Variants in MAPRE1 observed in about 807,000 individuals in gnomAD.
MAPRE1 encodes microtubule associated protein RP/EB family member 1, also known as microtubule-associated protein RP/EB family member 1.
MAPRE1 carries 5 observed loss-of-function variants against 32.1 expected under a neutral mutation model. The ratio of observed to expected loss-of-function variants is 0.16; its 90% CI spans 0.08 to 0.33. The LOEUF is 0.33. Ranked by LOEUF, MAPRE1 falls within the 10% of genes least tolerant of loss-of-function variation. The probability of loss-of-function intolerance (pLI) is 1.00; values close to 1 mark genes in which losing one functional copy is unlikely to be tolerated. For missense variants in MAPRE1, 209 were observed against 327.2 expected (o/e 0.64, Z 2.79); for synonymous variants, 122 against 118.9 (o/e 1.03, Z -0.17).
intron 1 of MAPRE1, among the ~76,000 whole-genome samples, chr20:32,825,244 G>A (rs1036365276): frequency 1.3e-5 from 2 of 151,956 alleles, no homozygotes; most frequent in Non-Finnish European, 2.9e-5. Context: ...ACTTTGGGCT[G>A]ATGTTTTCTA....
intron 1 of MAPRE1, among the ~76,000 whole-genome samples, chr20:32,822,257 C>T (rs1019380875): frequency 3.3e-5 from 5 of 152,102 alleles, no homozygotes; most frequent in African/African-American, 1.2e-4. Context: ...ATAGGAATGT[C>T]GCCATAATAG....
At chr20:32,834,656 A>G (rs1249711831) in intron 3 of MAPRE1, among the ~76,000 whole-genome samples, 1 of 152,050 alleles carries the variant, frequency 6.6e-6, no homozygotes, top group Non-Finnish European at 1.5e-5. Context: ...TTGTCTCTAC[A>G]ATATATAAAA....
chr20:32,829,506 A>G (rs1194320359), intron 2 of MAPRE1, among the ~76,000 whole-genome samples: 1 of 152,186 alleles, frequency 6.6e-6, no homozygotes, highest in East Asian at 1.9e-4. Context: ...AGTCAGAGAA[A>G]GTGAGGCTCC....
Position 32,844,439 on chromosome 20 carries a change from C to CTTTTTTTT in MAPRE1, c.598-2155_598-2148dup, listed in dbSNP as rs71190880. 9.8e-3 allele frequency among the ~76,000 whole-genome samples: 512 copies of CTTTTTTTT among 52,062 alleles called. 110 individuals are homozygous for CTTTTTTTT. The highest frequency in any genetic ancestry group is 0.04 in the East Asian group (60 of 1,490). The allele number at this position is 52,062 out of a possible 152,430, so 34.2% of individuals were successfully genotyped here. On this transcript the variant is annotated intron_variant, in intron 5 of 6. Transcript: ENST00000375571. ...CTAGGTGGATACCAAGCTAGCATTC[C>CTTTTTTTT]TTTTTTTTTTTTTTTTTTTTTTTTT...
chr20:32,846,559 C>T, intron 5 of MAPRE1, 59 bp from the exon 6 acceptor site: 1 of 1,542,096 alleles, frequency 6.5e-7, no homozygotes, highest in Non-Finnish European at 8.9e-7. Context: ...AGAAGTCTGC[C>T]TGATATTTTA....
intron 5 of MAPRE1, among the ~76,000 whole-genome samples, chr20:32,844,967 C>T (rs1003581605): frequency 4.0e-5 from 6 of 151,890 alleles, no homozygotes; most frequent in East Asian, 1.9e-4. Context: ...TTAGCTTTGC[C>T]GGCCACCAGG....
At chr20:32,821,266 C>T (rs1249625337) in intron 1 of MAPRE1, among the ~76,000 whole-genome samples, 8 of 152,208 alleles carry the variant, frequency 5.3e-5, no homozygotes, top group Admixed American at 4.6e-4. Flanking sequence ...ATCTGTCCGC[C>T]TCGGCCTCCA....
chr20:32,825,904 T>A, intron 1 of MAPRE1, 21 bp from the exon 2 acceptor site: 1 of 1,567,814 alleles, frequency 6.4e-7, no homozygotes, highest in Non-Finnish European at 8.7e-7. Flanking sequence ...CAGGCCCTTC[T>A]CTTTTCTTCC....
intron 3 of MAPRE1, among the ~76,000 whole-genome samples, chr20:32,835,870 T>G (rs924346241): frequency 6.6e-6 from 1 of 151,722 alleles, no homozygotes; most frequent in African/African-American, 2.4e-5. Flanking sequence ...CCTCCCAAAG[T>G]GTTGGGATTA....
chr20:32,822,985 A>G (rs1004456961), intron 1 of MAPRE1, among the ~76,000 whole-genome samples: 1 of 152,182 alleles, frequency 6.6e-6, no homozygotes, highest in African/African-American at 2.4e-5. Flanking sequence ...GGGGAGTGTA[A>G]CAGTGTTGAT....
At chr20:32,841,279 G>A (rs1245415276) in intron 5 of MAPRE1, among the ~76,000 whole-genome samples, 1 of 152,204 alleles carries the variant, frequency 6.6e-6, no homozygotes, top group Non-Finnish European at 1.5e-5. Context: ...GGAGAACAAG[G>A]AGAGACTTCC....
intron 6 of MAPRE1, 107 bp from the exon 7 acceptor site, chr20:32,848,565 G>T: frequency 1.3e-6 from 1 of 781,898 alleles, no homozygotes; most frequent in Non-Finnish European, 2.1e-6. Context: ...GGCCTGTATA[G>T]AGCCAGGAAG....
At chr20:32,845,011 GT>G (rs1395491062) in intron 5 of MAPRE1, among the ~76,000 whole-genome samples, 4 of 134,880 alleles carry the variant, frequency 3.0e-5, no homozygotes, top group African/African-American at 1.4e-4. Context: ...ATGTATGTAT[GT>G]ATGTATGTAT....
At chr20:32,838,460 C>T (rs1983261520) in intron 4 of MAPRE1, among the ~76,000 whole-genome samples, 1 of 152,176 alleles carries the variant, frequency 6.6e-6, no homozygotes, top group South Asian at 2.1e-4. Flanking sequence ...TATACGGCTT[C>T]TGTGTGGACC....
chr20:32,836,596 C>A (rs756925852), intron 3 of MAPRE1, 38 bp from the exon 4 acceptor site: 1 of 1,256,046 alleles, frequency 8.0e-7, no homozygotes, highest in Non-Finnish European at 1.2e-6. Flanking sequence ...TTGCCAAAAG[C>A]CTCTTTTTTG....
At chr20:32,838,881 A>G (rs1176006051) in intron 4 of MAPRE1, among the ~76,000 whole-genome samples, 2 of 152,218 alleles carry the variant, frequency 1.3e-5, no homozygotes, top group Non-Finnish European at 2.9e-5. Context: ...CCTGGCATGT[A>G]ATATGCAAAC....
intron 2 of MAPRE1, among the ~76,000 whole-genome samples, chr20:32,832,351 T>C (rs1983053105): frequency 6.6e-6 from 1 of 150,692 alleles, no homozygotes; most frequent in African/African-American, 2.5e-5. Flanking sequence ...ATTAGAGAAA[T>C]AATCTTCCTG....
In MAPRE1 at chr20:32,848,955, C is replaced by T. The variant is rs1206273288; in HGVS notation, c.*227C>T. The T allele has an allele frequency of 5.4e-6, 2 of 370,772 alleles. No homozygotes were observed. Among genetic ancestry groups the T allele is most frequent in the Middle Eastern group, 7.2e-4 (1 of 1,380 alleles). The allele number at this position is 370,772 out of a possible 1,614,324, so 23.0% of individuals were successfully genotyped here. A position where few individuals can be genotyped will look rare whatever the true frequency, so the allele number is the denominator to read the frequency against. On this transcript the variant is annotated 3_prime_UTR_variant, in exon 7 of 7. Transcript: ENST00000375571. ...CAGTATTAACACCTAGTTGGTTCACCTGGAAAACAGAGAGGCTGACCGTGG... is the reference window on the plus strand; with the variant it reads ...CAGTATTAACACCTAGTTGGTTCACTTGGAAAACAGAGAGGCTGACCGTGG...
At chr20:32,821,638 G>A (rs931338345) in intron 1 of MAPRE1, among the ~76,000 whole-genome samples, 2 of 152,170 alleles carry the variant, frequency 1.3e-5, no homozygotes, top group African/African-American at 4.8e-5. Flanking sequence ...CCATTTTACA[G>A]GATGAGCCAT....
Sources: allele counts gnomAD v4.1 joint callset (sites outside exome capture counted in the v4.1 genomes callset), GRCh38; gene constraint gnomAD v4.1.1; transcripts MANE v1.5; gene names NCBI Gene and HGNC (gene_info 2026-07-23, HGNC 2026-07-21).